The following CSNK1G1 variants were observed in gnomAD, a reference collection of about 807,000 sequenced individuals.
CSNK1G1 encodes the protein casein kinase 1 gamma 1.
CSNK1G1 carries 22 observed loss-of-function variants against 59.6 expected under a neutral mutation model. That is an observed-to-expected ratio of 0.37 (90% CI 0.26 to 0.53). The LOEUF is 0.53. Ranked by LOEUF, CSNK1G1 falls within the 20% of genes least tolerant of loss-of-function variation. The pLI is 0.89. For synonymous variants in CSNK1G1, 179 were observed against 177.1 expected (o/e 1.01, Z -0.08); for missense variants, 384 against 519.5 (o/e 0.74, Z 2.54).
intron 2 of CSNK1G1, among the ~76,000 whole-genome samples, chr15:64,295,920 A>C (rs543954167): frequency 1.3e-5 from 2 of 152,266 alleles, no homozygotes; most frequent in South Asian, 4.1e-4. Context: ...CTTTTCTTTC[A>C]CTTCACATCC....
At chr15:64,295,552 G>C (rs918741073) in intron 2 of CSNK1G1, among the ~76,000 whole-genome samples, 2 of 152,144 alleles carry the variant, frequency 1.3e-5, no homozygotes, top group Non-Finnish European at 2.9e-5. Flanking sequence ...GGACAATTCA[G>C]CCTTTCTTGA....
intron 1 of CSNK1G1, among the ~76,000 whole-genome samples, chr15:64,300,960 T>C (rs774454298): frequency 3.3e-5 from 5 of 152,190 alleles, no homozygotes; most frequent in Non-Finnish European, 7.3e-5. Context: ...GCCTTTAATA[T>C]AGAATGCTTT....
intron 1 of CSNK1G1, among the ~76,000 whole-genome samples, chr15:64,321,035 G>C (rs1896534701): frequency 6.6e-6 from 1 of 151,984 alleles, no homozygotes; most frequent in Non-Finnish European, 1.5e-5. Context: ...GCAAAAGTAT[G>C]AGATATTTAT....
intron 1 of CSNK1G1, among the ~76,000 whole-genome samples, chr15:64,316,072 G>A (rs1275118408): frequency 5.3e-5 from 8 of 152,202 alleles, no homozygotes; most frequent in East Asian, 1.9e-4. Context: ...TGTCAGCTAC[G>A]CCGGAGTGCA....
At chr15:64,353,180 T>C (rs937105614) in intron 1 of CSNK1G1, among the ~76,000 whole-genome samples, 1 of 152,212 alleles carries the variant, frequency 6.6e-6, no homozygotes, top group African/African-American at 2.4e-5. Context: ...CTTTGTATTC[T>C]CACAAACATC....
chr15:64,173,073 T>G (rs539576420), intron 11 of CSNK1G1, among the ~76,000 whole-genome samples: 2 of 152,224 alleles, frequency 1.3e-5, no homozygotes, highest in Non-Finnish European at 2.9e-5. Context: ...TAGCTCAGAC[T>G]TGCTAGATCC....
chr15:64,289,094 C>T (rs1250796986), intron 2 of CSNK1G1, among the ~76,000 whole-genome samples: 1 of 151,530 alleles, frequency 6.6e-6, no homozygotes, highest in Non-Finnish European at 1.5e-5. Flanking sequence ...GCACGAGAAT[C>T]ACTTGAACCC....
At chr15:64,350,021 T>C (rs1461729726) in intron 1 of CSNK1G1, among the ~76,000 whole-genome samples, 3 of 152,144 alleles carry the variant, frequency 2.0e-5, no homozygotes, top group Non-Finnish European at 4.4e-5. Flanking sequence ...GAGGGTAAGA[T>C]AAAATCCACT....
chr15:64,174,435 T>C (rs765779761), intron 11 of CSNK1G1, among the ~76,000 whole-genome samples: 1 of 152,248 alleles, frequency 6.6e-6, no homozygotes, highest in African/African-American at 2.4e-5. Flanking sequence ...CAATCTGTTC[T>C]TCAACTCTTT....
At chr15:64,178,642 C>T (rs1413044951) in intron 11 of CSNK1G1, among the ~76,000 whole-genome samples, 5 of 151,840 alleles carry the variant, frequency 3.3e-5, no homozygotes, top group Non-Finnish European at 7.4e-5. Flanking sequence ...CCACCACACC[C>T]AGCTAATTTT....
intron 4 of CSNK1G1, among the ~76,000 whole-genome samples, chr15:64,239,523 G>A (rs1288717313): frequency 6.6e-6 from 1 of 151,912 alleles, no homozygotes; most frequent in Non-Finnish European, 1.5e-5. Flanking sequence ...CTATAGGTGC[G>A]TACCACCACA....
chr15:64,299,181 A>G (rs1374088330), intron 2 of CSNK1G1, among the ~76,000 whole-genome samples: 1 of 152,202 alleles, frequency 6.6e-6, no homozygotes, highest in Non-Finnish European at 1.5e-5. Flanking sequence ...AGGAAAAGAA[A>G]ACACTTTAGC....
chr15:64,172,034 C>T (rs1238151936), intron 11 of CSNK1G1, 49 bp from the exon 12 acceptor site: 1 of 1,546,292 alleles, frequency 6.5e-7, no homozygotes, highest in Non-Finnish European at 8.9e-7. Context: ...CTGCAGCTTC[C>T]AGCAGACTTC....
At chr15:64,333,429 ATC>A in intron 1 of CSNK1G1, among the ~76,000 whole-genome samples, 1 of 109,898 alleles carries the variant, frequency 9.1e-6, no homozygotes, top group South Asian at 3.0e-4. Flanking sequence ...GTGAGACACC[ATC>A]TCAAAAAAAA....
At chr15:64,260,065 T>A (rs959811740) in intron 2 of CSNK1G1, among the ~76,000 whole-genome samples, 1 of 152,174 alleles carries the variant, frequency 6.6e-6, no homozygotes, top group Non-Finnish European at 1.5e-5. Context: ...TCCTCACTAA[T>A]CCTTGGAAGC....
At chr15:64,331,905 C>CA in intron 1 of CSNK1G1, among the ~76,000 whole-genome samples, 1 of 148,262 alleles carries the variant, frequency 6.7e-6, no homozygotes. Flanking sequence ...TTTATGCAGC[C>CA]AAAAAACACA....
At chr15:64,330,015 A>C (rs1015796368) in intron 1 of CSNK1G1, among the ~76,000 whole-genome samples, 1 of 151,238 alleles carries the variant, frequency 6.6e-6, no homozygotes. Context: ...ACAGGAGCTG[A>C]AATTGTGGCA....
chr15:64,351,358 A>T (rs1898274674), intron 1 of CSNK1G1, among the ~76,000 whole-genome samples: 1 of 152,220 alleles, frequency 6.6e-6, no homozygotes. Context: ...CTTTCCTAAA[A>T]CTTTCTGAGG....
At chr15:64,191,776 G>A (rs566601650) in intron 10 of CSNK1G1, among the ~76,000 whole-genome samples, 41 of 152,280 alleles carry the variant, frequency 2.7e-4, no homozygotes, top group African/African-American at 9.9e-4. Flanking sequence ...ACTACTGCCC[G>A]CCAATGCCTT....
Sources: gnomAD v4.1 joint callset for allele counts (sites outside exome capture counted in the v4.1 genomes callset) on GRCh38, gnomAD v4.1.1 for gene constraint, MANE v1.5 for transcripts, NCBI Gene and HGNC (gene_info 2026-07-23, HGNC 2026-07-21) for gene names.